The following IGSF9B variants were observed in gnomAD, a reference collection of about 807,000 sequenced individuals.
The protein encoded by IGSF9B is immunoglobulin superfamily member 9B.
In IGSF9B, 48 loss-of-function variants were observed where a neutral mutation model predicts 143.7. That is an observed-to-expected ratio of 0.33 (90% CI 0.26 to 0.42). The LOEUF is 0.42. IGSF9B is among the 20% of genes least tolerant of loss of function. The pLI is 1.00. For missense variants in IGSF9B, 1,706 were observed against 1,980.0 expected, an observed-to-expected ratio of 0.86 and a Z score of 2.63; for synonymous variants, 903 against 833.1, an observed-to-expected ratio of 1.08 and a Z score of -1.44.
At chr11:133,929,551 T>C (rs1939685882) in intron 12 of IGSF9B, 120 bp downstream of exon 12, 2 of 695,638 alleles carry the variant, frequency 2.9e-6, no homozygotes, top group Non-Finnish European at 5.2e-6. Flanking sequence ...TGTGCAGGGC[T>C]GGCAGGCCAG....
rs1215284311 is a variant in IGSF9B, at chr11:133,928,808, G to A, written c.1631+863C>T. Among the ~76,000 whole-genome samples the A allele has an allele frequency of 6.6e-6, 1 of 152,198 alleles. No individual in the cohort carries two copies. The highest frequency in any genetic ancestry group is 6.5e-5 in the Admixed American group (1 of 15,280). ...GAGATCTGTATCTACCCTAAGGTTT[G>A]CGCAAAGACCTCATATGACTGCATC... On this transcript the variant is annotated intron_variant, in intron 12 of 19. Coordinates refer to ENST00000533871, the MANE Select transcript of IGSF9B (RefSeq NM_001277285.4). The surrounding 1 kb of genome is among the most constrained non-coding windows in gnomAD (Gnocchi z 4.7).
chr11:133,943,944 G>A (rs987368695), intron 3 of IGSF9B, among the ~76,000 whole-genome samples: 2 of 152,212 alleles, frequency 1.3e-5, no homozygotes, highest in East Asian at 3.9e-4. Flanking sequence ...GTTTGAAGTA[G>A]CAGCTTCCCA....
In IGSF9B at chr11:133,925,800, T is replaced by G; in HGVS notation, c.1973A>C (p.Glu658Ala). 6.2e-7 allele frequency: 1 copy of G among 1,613,848 alleles called. No individual in the cohort carries two copies. The highest frequency in any genetic ancestry group is 1.7e-5 in the Admixed American group (1 of 60,012). Reference protein sequence around the residue: ...IMEFRVAERWELLDDGIPGTE... With the variant: ...IMEFRVAERWALLDDGIPGTE... Reference sequence around the variant, plus strand: ...GCCGGGGATGCCATCGTCGAGCAACTCCCAGCGCTCTGCGACACGGAACTC... The same window carrying G: ...GCCGGGGATGCCATCGTCGAGCAACGCCCAGCGCTCTGCGACACGGAACTC... The change falls in exon 14 of 20, where the codon GAG (glutamate) becomes GCG (alanine). Residue 658 changes from glutamate (E) to alanine (A), a missense_variant. Glu to Ala is a moderately radical substitution (Grantham distance 107). This residue lies in a region of IGSF9B where 267 missense variants were observed against 321.1 expected (regional missense o/e 0.83). Coordinates refer to ENST00000533871, the MANE Select transcript of IGSF9B (RefSeq NM_001277285.4).
At position 133,909,902 on chromosome 11, in the gene IGSF9B, G is replaced by C. The variant is rs1293214940; in HGVS notation, c.4106-625C>G. On this transcript the variant is annotated intron_variant, in intron 19 of 19. Transcript: ENST00000533871. This position sits in a 1 kb window ranked among gnomAD's most constrained non-coding sequence, Gnocchi z 4.2. The stretch of plus-strand genomic sequence containing the variant: ...CTGAAAATACTACAAAGATAAAATA[G>C]GGTCAACTGAGGCACTACTCCGCTC... 6.6e-6 allele frequency among the ~76,000 whole-genome samples: 1 copy of C among 152,204 alleles called. No individual in the cohort carries two copies. The highest frequency in any genetic ancestry group is 2.4e-5 in the African/African-American group (1 of 41,452).
chr11:133,943,894 C>T (rs1939995692), intron 3 of IGSF9B, among the ~76,000 whole-genome samples: 1 of 152,242 alleles, frequency 6.6e-6, no homozygotes, highest in South Asian at 2.1e-4. Flanking sequence ...ATAATCCCAG[C>T]GGTGACCCAT....
intron 15 of IGSF9B, among the ~76,000 whole-genome samples, chr11:133,923,556 G>A (rs1454861438): frequency 2.0e-5 from 3 of 152,230 alleles, no homozygotes; most frequent in African/African-American, 7.2e-5. Context: ...GTGTCGGTAA[G>A]TGCCACTGCT....
chr11:133,939,078 G>C (rs1939875336), intron 3 of IGSF9B, among the ~76,000 whole-genome samples: 1 of 152,170 alleles, frequency 6.6e-6, no homozygotes, highest in Admixed American at 6.5e-5. Context: ...ATAGGATCTT[G>C]TCCTGCCTGT....
At chr11:133,916,170 G>A (rs951705222) in intron 18 of IGSF9B, among the ~76,000 whole-genome samples, 3 of 150,462 alleles carry the variant, frequency 2.0e-5, no homozygotes, top group African/African-American at 7.5e-5. Flanking sequence ...GGCTCAGACA[G>A]GAGCTAAGAA....
At position 133,897,483 on chromosome 11, in the gene IGSF9B, T is replaced by C. The variant is rs1048698038; in HGVS notation, c.*11586A>G. 4 of 152,258 alleles carry C rather than the reference T, an allele frequency of 2.6e-5. No individual in the cohort carries two copies. The highest frequency in any genetic ancestry group is 1.3e-4 in the Admixed American group (2 of 15,288). The allele number at this position is 152,258 out of a possible 1,614,324, so 9.4% of individuals were successfully genotyped here. A position where few individuals can be genotyped will look rare whatever the true frequency, so the allele number is the denominator to read the frequency against. ...GAAGGGTGTCCCATCCTCACCGTCA[T>C]CTTTTACTTCCCAGGGTGCCCTTGG... On this transcript the variant is annotated 3_prime_UTR_variant, in exon 20 of 20. Coordinates refer to ENST00000533871, the MANE Select transcript of IGSF9B (RefSeq NM_001277285.4).
chr11:133,909,209 G>C lies in IGSF9B; in HGVS notation c.4174C>G (p.Leu1392Val). The C allele has an allele frequency of 1.3e-6, 2 of 1,535,886 alleles. No homozygotes were observed. The highest frequency in any genetic ancestry group is 1.7e-6 in the Non-Finnish European group (2 of 1,146,728). The change falls in exon 20 of 20, where the codon CTC becomes GTC. Residue 1392 changes from leucine (L) to valine (V), a missense_variant. Physicochemically the swap from Leu to Val is conservative, Grantham distance 32. Around this residue, in one of 7 missense-constraint regions of IGSF9B, gnomAD observed 880 missense variants for 762.9 expected, o/e 1.15. Transcript: ENST00000533871. This position sits in a 1 kb window ranked among gnomAD's most constrained non-coding sequence, Gnocchi z 4.2. ...QVLWPDEAVC[L>V]RKKKRHSRPD... ...CGAGAATGTCTCTTCTTCTTTCGGA[G>C]GCAGACAGCTTCATCGGGCCACAGA...
rs1396785990 is a variant in IGSF9B at position 133,904,729 on chromosome 11, C to T, written c.*4340G>A. 1.3e-5 allele frequency among the ~76,000 whole-genome samples: 2 copies of T among 151,980 alleles called. No homozygotes were observed. The highest frequency in any genetic ancestry group is 4.8e-5 in the African/African-American group (2 of 41,340). On this transcript the variant is annotated 3_prime_UTR_variant, in exon 20 of 20. Coordinates refer to ENST00000533871, the MANE Select transcript of IGSF9B (RefSeq NM_001277285.4). ...GTGTCCCCTGGGGTGGTCTCACCATCCTAACCCATGCCTGACCTCACCCTC... is the reference window on the plus strand; with the variant it reads ...GTGTCCCCTGGGGTGGTCTCACCATTCTAACCCATGCCTGACCTCACCCTC...
chr11:133,939,379 G>A (rs777175345), intron 3 of IGSF9B, among the ~76,000 whole-genome samples: 1 of 152,194 alleles, frequency 6.6e-6, no homozygotes, highest in Non-Finnish European at 1.5e-5. Context: ...CTCTCTGTGT[G>A]TTTACCTGTT....
intron 1 of IGSF9B, among the ~76,000 whole-genome samples, chr11:133,951,017 A>G (rs1940148331): frequency 6.6e-6 from 1 of 152,036 alleles, no homozygotes; most frequent in South Asian, 2.1e-4. Flanking sequence ...AGCCCCCAAT[A>G]GTCCCCCAAC....
At chr11:133,930,747 A>T (rs229285) in intron 11 of IGSF9B, among the ~76,000 whole-genome samples, 49,194 of 152,178 alleles carry the variant, frequency 0.32, 8,327 homozygotes, top group Middle Eastern at 0.41. Flanking sequence ...TGCTGTGGAC[A>T]TCAGGCCTGT....
At chr11:133,934,862 G>C (rs1939793513) in intron 7 of IGSF9B, among the ~76,000 whole-genome samples, 1 of 152,252 alleles carries the variant, frequency 6.6e-6, no homozygotes, top group Non-Finnish European at 1.5e-5. Flanking sequence ...AAATGAGGGA[G>C]AGTCTGTTAT....
intron 18 of IGSF9B, among the ~76,000 whole-genome samples, chr11:133,917,286 AGT>A (rs1306849086): frequency 6.6e-6 from 1 of 152,104 alleles, no homozygotes; most frequent in African/African-American, 2.4e-5. Context: ...GGTGGCCCTG[AGT>A]CTCTGTGAGG....
rs1483826271 is a variant in IGSF9B, at chr11:133,925,983, G to A, written c.1808-18C>T. The A allele has an allele frequency of 8.4e-6, 13 of 1,544,822 alleles. No homozygotes were observed. Among genetic ancestry groups the A allele is most frequent in the South Asian group, 2.4e-5 (2 of 85,064 alleles). ...AGGGAATGCTGCGGCGGGGGAAGGA[G>A]AAGAACCACAGCGCATCAGCGAGGC... On this transcript the variant is annotated intron_variant, in intron 13 of 19. Coordinates refer to ENST00000533871, the MANE Select transcript of IGSF9B (RefSeq NM_001277285.4).
At position 133,951,421 on chromosome 11, in the gene IGSF9B, C is replaced by G. The variant is rs117945428; in HGVS notation, c.65-5163G>C. Among the ~76,000 whole-genome samples, 13 of 152,360 alleles carry G rather than the reference C, an allele frequency of 8.5e-5. No individual in the cohort carries two copies. In the East Asian group the frequency reaches 2.3e-3, roughly 27 times the overall value. On this transcript the variant is annotated intron_variant, in intron 1 of 19. Transcript: ENST00000533871. ...CACGGGTCAGGGAGCCCCAGCCGCT[C>G]CTTAAGGAGAGAGAGGCACTGGGGA...
chr11:133,952,151 A>G, intron 1 of IGSF9B: 1 of 426,376 alleles, frequency 2.3e-6, no homozygotes, highest in Non-Finnish European at 4.8e-6. Flanking sequence ...CTGCTTATTC[A>G]CGCAAGAGAG....
Sources: allele counts gnomAD v4.1 joint callset (sites outside exome capture counted in the v4.1 genomes callset), GRCh38; gene constraint gnomAD v4.1.1; regional missense constraint gnomAD v4.1.1; non-coding constraint Gnocchi (gnomAD v3.1); transcripts MANE v1.5; gene names NCBI Gene and HGNC (gene_info 2026-07-23, HGNC 2026-07-21).